The following COL4A2 variants were observed in gnomAD, a reference collection of about 807,000 sequenced individuals.
The protein encoded by COL4A2 is collagen type IV alpha 2 chain.
A neutral mutation model predicts 200.2 loss-of-function variants in COL4A2; 99 were observed. That is an observed-to-expected ratio of 0.49 (90% confidence interval 0.42 to 0.58). COL4A2 has a LOEUF of 0.58. Among genes scored for constraint, COL4A2 ranks in the 20% least tolerant of loss-of-function variants. COL4A2 has a pLI of 0.00. For missense variants in COL4A2, 1,950 were observed against 2,314.1 expected (o/e 0.84, Z 3.23); for synonymous variants, 897 against 900.6 (o/e 1.00, Z 0.07).
At chr13:110,467,482 T>C (rs1406654164) in intron 27 of COL4A2, among the ~76,000 whole-genome samples, 5 of 152,200 alleles carry the variant, frequency 3.3e-5, no homozygotes, top group African/African-American at 1.2e-4. Flanking sequence ...ATGCTTTCAT[T>C]TGGGTTTTGA....
At chr13:110,324,896 A>C (rs937060929) in intron 3 of COL4A2, among the ~76,000 whole-genome samples, 11 of 152,252 alleles carry the variant, frequency 7.2e-5, no homozygotes, top group African/African-American at 2.6e-4. Context: ...GGGAAAGATA[A>C]TTTTCATCTG....
chr13:110,429,831 T>A (rs1295421484), intron 7 of COL4A2, 54 bp from the exon 8 acceptor site: 1 of 1,562,718 alleles, frequency 6.4e-7, no homozygotes, highest in African/African-American at 1.4e-5. Flanking sequence ...CTGCACCGAA[T>A]GTTAATGGAC....
chr13:110,468,182 C>T (rs1882324659), intron 27 of COL4A2: 1 of 471,188 alleles, frequency 2.1e-6, no homozygotes, highest in Non-Finnish European at 4.4e-6. Flanking sequence ...CTTCGGAGTG[C>T]ACCGTGATCA....
At chr13:110,317,197 TAGAC>T (rs1313902302) in intron 3 of COL4A2, among the ~76,000 whole-genome samples, 3 of 134,378 alleles carry the variant, frequency 2.2e-5, no homozygotes, top group Non-Finnish European at 3.2e-5. Flanking sequence ...GATGCACACA[TAGAC>T]ACACACGTGC....
At chr13:110,330,190 C>G (rs1875842483) in intron 3 of COL4A2, among the ~76,000 whole-genome samples, 1 of 152,166 alleles carries the variant, frequency 6.6e-6, no homozygotes, top group East Asian at 1.9e-4. Context: ...GCGAGTCACT[C>G]TTACAGCTGC....
chr13:110,465,872 C>T (rs985444612), intron 25 of COL4A2, 131 bp from the exon 26 acceptor site: 3 of 1,133,344 alleles, frequency 2.6e-6, no homozygotes, highest in Non-Finnish European at 3.8e-6. Flanking sequence ...GTTCCCTGCC[C>T]ATTTCAAAGC....
At chr13:110,501,897 C>T (rs1459273408) in intron 41 of COL4A2, 113 bp downstream of exon 41, 9 of 1,072,076 alleles carry the variant, frequency 8.4e-6, no homozygotes, top group African/African-American at 6.4e-5. Context: ...GCCCAGACTC[C>T]GGTCAAAGAG....
At chr13:110,387,206 T>G (rs951452484) in intron 4 of COL4A2, among the ~76,000 whole-genome samples, 4 of 152,128 alleles carry the variant, frequency 2.6e-5, no homozygotes, top group Non-Finnish European at 4.4e-5. Context: ...ACCACTGCAC[T>G]CCAGCCCAGG....
intron 41 of COL4A2, 62 bp from the exon 42 acceptor site, chr13:110,503,059 A>G (rs1173512956): frequency 1.3e-6 from 2 of 1,513,354 alleles, no homozygotes; most frequent in African/African-American, 2.8e-5. Context: ...GGTGCACCTG[A>G]CTGCCCCCAG....
rs748157227 is a variant in COL4A2 at position 110,424,840 on chromosome 13, C to T, written c.287C>T (p.Pro96Leu). ...RKGDKGERGA[P>L]GVTGPKGDVG... ...GGAGACAAGGGTGAAAGGGGAGCCC[C>T]CGGAGTAACGGGACCCAAGGGCGAC... is the stretch of plus-strand genomic sequence containing the variant. The change falls in exon 5 of 48, where the codon CCC becomes CTC. Residue 96 changes from proline to leucine, a missense_variant. Around this residue, in one of 2 missense-constraint regions of COL4A2, gnomAD observed 565 missense variants for 593.5 expected, o/e 0.95. Coordinates refer to ENST00000360467, the MANE Select transcript of COL4A2 (RefSeq NM_001846.4). The T allele has an allele frequency of 1.9e-6, 3 of 1,614,084 alleles. No individual in the cohort carries two copies. The highest frequency in any genetic ancestry group is 2.5e-6 in the Non-Finnish European group (3 of 1,179,988).
intron 28 of COL4A2, among the ~76,000 whole-genome samples, chr13:110,471,145 T>G (rs979035754): frequency 3.9e-5 from 6 of 152,254 alleles, no homozygotes; most frequent in African/African-American, 1.4e-4. Context: ...AGGATAATAA[T>G]TCCTGAACAG....
At chr13:110,369,595 C>T (rs1877912635) in intron 4 of COL4A2, among the ~76,000 whole-genome samples, 1 of 152,154 alleles carries the variant, frequency 6.6e-6, no homozygotes, top group South Asian at 2.1e-4. Context: ...CCAGAATGCC[C>T]ATCGGTAGCA....
intron 3 of COL4A2, among the ~76,000 whole-genome samples, chr13:110,351,726 G>C (rs1249979937): frequency 1.3e-5 from 2 of 152,148 alleles, no homozygotes; most frequent in African/African-American, 4.8e-5. Context: ...AAGTCCAATG[G>C]GGTCTGGCCT....
At chr13:110,450,272 C>CT in intron 19 of COL4A2, 33 bp from the exon 20 acceptor site, 1 of 1,598,862 alleles carries the variant, frequency 6.3e-7, no homozygotes, top group Non-Finnish European at 8.6e-7. Context: ...GTATGGGAGA[C>CT]TCACGCTGCA....
chr13:110,505,581 G>A (rs956356605), intron 45 of COL4A2, among the ~76,000 whole-genome samples: 2 of 152,170 alleles, frequency 1.3e-5, no homozygotes, highest in African/African-American at 4.8e-5. Flanking sequence ...GTGTCCCTTG[G>A]AAGGGGAGGG....
chr13:110,453,264 A>G (rs988470023), intron 20 of COL4A2, among the ~76,000 whole-genome samples: 2 of 152,082 alleles, frequency 1.3e-5, no homozygotes, highest in Non-Finnish European at 2.9e-5. Flanking sequence ...GCTTTGGGAA[A>G]GCCGAGGGGG....
At chr13:110,507,268 G>T (rs1212395163) in intron 46 of COL4A2, among the ~76,000 whole-genome samples, 1 of 152,124 alleles carries the variant, frequency 6.6e-6, no homozygotes, top group East Asian at 1.9e-4. Context: ...TCACATTCCT[G>T]CCTGTGCGCC....
chr13:110,493,059 TAACGA>T, intron 38 of COL4A2, 147 bp from the exon 39 acceptor site: 1 of 872,746 alleles, frequency 1.1e-6, no homozygotes. Context: ...ACAGGTGAAA[TAACGA>T]TGAGTGACAC....
intron 16 of COL4A2, among the ~76,000 whole-genome samples, chr13:110,444,896 G>A (rs1881263587): frequency 1.3e-5 from 2 of 152,184 alleles, no homozygotes; most frequent in Non-Finnish European, 2.9e-5. Flanking sequence ...TGTTGCCCAG[G>A]CTGGAGTATG....
Sources: allele counts gnomAD v4.1 joint callset (sites outside exome capture counted in the v4.1 genomes callset), GRCh38; gene constraint gnomAD v4.1.1; regional missense constraint gnomAD v4.1.1; transcripts MANE v1.5; gene names NCBI Gene and HGNC (gene_info 2026-07-23, HGNC 2026-07-21).